The following ROBO1 variants were observed in gnomAD, a reference collection of about 807,000 sequenced individuals.
ROBO1 encodes the protein roundabout guidance receptor 1, also known as roundabout homolog 1.
In ROBO1, 149 loss-of-function variants were observed where a neutral mutation model predicts 195.9. The ratio of observed to expected loss-of-function variants is 0.76; its 90% confidence interval spans 0.67 to 0.87. The LOEUF is 0.87. ROBO1 is among the 40% of genes least tolerant of loss of function. The probability of loss-of-function intolerance (pLI) is 0.00; values close to 1 mark genes in which losing one functional copy is unlikely to be tolerated. For synonymous variants in ROBO1, 816 were observed against 733.2 expected (o/e 1.11, Z -1.82); for missense variants, 1,933 against 2,068.3 (o/e 0.93, Z 1.27).
chr3:78,677,252 G>T (rs967092533), intron 10 of ROBO1, among the ~76,000 whole-genome samples: 1 of 152,166 alleles, frequency 6.6e-6, no homozygotes, highest in African/African-American at 2.4e-5. Flanking sequence ...AGGCTAGGAA[G>T]AAACTGCATC....
chr3:79,542,140 AATATAATG>A (rs1199445973), intron 2 of ROBO1, among the ~76,000 whole-genome samples: 1 of 152,018 alleles, frequency 6.6e-6, no homozygotes, highest in African/African-American at 2.4e-5. Context: ...CAAACCTGAA[AATATAATG>A]ATCTTTCATC....
intron 4 of ROBO1, among the ~76,000 whole-genome samples, chr3:78,791,649 A>G (rs2084025335): frequency 6.6e-6 from 1 of 152,268 alleles, no homozygotes; most frequent in Admixed American, 6.5e-5. Context: ...GCGTCTGCTG[A>G]TACATCAACC....
In ROBO1 at chr3:79,298,130, G is replaced by C. The variant is rs75578608; in HGVS notation, c.89-172591C>G. The stretch of plus-strand genomic sequence containing the variant: ...GATATGGATTTAAAAAAAAATATCA[G>C]TTTCTTTTATATACCTCTGGGTAGA... On this transcript the variant is annotated intron_variant, in intron 2 of 30. Transcript: ENST00000464233. 3.0e-3 allele frequency among the ~76,000 whole-genome samples: 461 copies of C among 152,114 alleles called. 14 individuals carry two copies. The East Asian group carries it at 0.074, about 24-fold the overall frequency.
chr3:79,729,622 C>G (rs1703064024), intron 1 of ROBO1, among the ~76,000 whole-genome samples: 1 of 152,152 alleles, frequency 6.6e-6, no homozygotes, highest in Admixed American at 6.5e-5. Context: ...TCATTTCTGA[C>G]TGCCTAAAGC....
intron 3 of ROBO1, among the ~76,000 whole-genome samples, chr3:78,984,696 G>A (rs781500257): frequency 6.6e-6 from 1 of 152,090 alleles, no homozygotes; most frequent in Non-Finnish European, 1.5e-5. Context: ...TGGGCCATTC[G>A]GACAGCTGGC....
At chr3:79,011,005 G>A (rs1326951662) in intron 3 of ROBO1, among the ~76,000 whole-genome samples, 1 of 152,144 alleles carries the variant, frequency 6.6e-6, no homozygotes, top group East Asian at 1.9e-4. Context: ...ATGAACAGAT[G>A]AGTTTTATTT....
intron 3 of ROBO1, among the ~76,000 whole-genome samples, chr3:78,946,387 A>G (rs2040446172): frequency 6.6e-6 from 1 of 152,194 alleles, no homozygotes. Flanking sequence ...TAAAGAAAAG[A>G]ATTTTCAACC....
intron 10 of ROBO1, among the ~76,000 whole-genome samples, chr3:78,680,343 G>A (rs1457340779): frequency 1.3e-5 from 2 of 152,062 alleles, no homozygotes; most frequent in Admixed American, 6.6e-5. Flanking sequence ...GGATCTAATT[G>A]AACTAAAGAG....
chr3:79,609,696 G>A (rs1202226974), intron 1 of ROBO1, among the ~76,000 whole-genome samples: 2 of 151,856 alleles, frequency 1.3e-5, no homozygotes, highest in Non-Finnish European at 2.9e-5. Flanking sequence ...TCTGTCACAT[G>A]CTATGACATG....
chr3:78,714,367 C>A lies in ROBO1; in HGVS notation c.1045+30G>T, dbSNP rs776931727. 3.8e-6 allele frequency: 6 copies of A among 1,598,248 alleles called. No individual in the cohort carries two copies. The South Asian group carries it at 6.9e-5, about 18-fold the overall frequency. On this transcript the variant is annotated intron_variant, in intron 8 of 30. Coordinates refer to ENST00000464233, the MANE Select transcript of ROBO1 (RefSeq NM_002941.4). ...AGCACTATATTTTGTATGCTAAAACCACCAAAACAAAGCCTTTCCCAATGC... is the reference window on the plus strand; with the variant it reads ...AGCACTATATTTTGTATGCTAAAACAACCAAAACAAAGCCTTTCCCAATGC...
At chr3:79,477,558 C>CA (rs1352733110) in intron 2 of ROBO1, among the ~76,000 whole-genome samples, 1 of 151,700 alleles carries the variant, frequency 6.6e-6, no homozygotes, top group Non-Finnish European at 1.5e-5. Context: ...AAACAAAAAA[C>CA]AAAAAACAAA....
At chr3:79,024,549 C>G (rs192149629) in intron 3 of ROBO1, among the ~76,000 whole-genome samples, 2 of 152,272 alleles carry the variant, frequency 1.3e-5, no homozygotes, top group Admixed American at 1.3e-4. Flanking sequence ...TGAACCAAAG[C>G]ACTTGAAGAA....
chr3:79,054,286 T>C (rs1367820475), intron 3 of ROBO1, among the ~76,000 whole-genome samples: 2 of 152,160 alleles, frequency 1.3e-5, no homozygotes, highest in African/African-American at 2.4e-5. Context: ...CAAGCTCCTG[T>C]TTCTTTTACT....
intron 5 of ROBO1, among the ~76,000 whole-genome samples, chr3:78,738,721 T>C (rs1321092362): frequency 2.0e-5 from 3 of 152,134 alleles, no homozygotes; most frequent in Non-Finnish European, 2.9e-5. Flanking sequence ...TTTTCCTAGG[T>C]AAGGTAAAAA....
intron 3 of ROBO1, among the ~76,000 whole-genome samples, chr3:79,067,094 G>GGC (rs2079016329): frequency 6.6e-6 from 1 of 151,734 alleles, no homozygotes; most frequent in African/African-American, 2.4e-5. Context: ...AATTTTAGTG[G>GGC]GCACACAAGG....
chr3:79,125,433 T>G, intron 3 of ROBO1, 23 bp downstream of exon 3: 3 of 1,597,112 alleles, frequency 1.9e-6, no homozygotes, highest in Non-Finnish European at 2.6e-6. Flanking sequence ...AGGAAGTTAG[T>G]ATTTGGGAAA....
intron 2 of ROBO1, among the ~76,000 whole-genome samples, chr3:79,168,320 T>G (rs1402795383): frequency 6.6e-6 from 1 of 152,152 alleles, no homozygotes; most frequent in Non-Finnish European, 1.5e-5. Context: ...ATACTGTTTC[T>G]TCCAGGGAGA....
intron 3 of ROBO1, among the ~76,000 whole-genome samples, chr3:79,002,400 T>C (rs1412622496): frequency 6.6e-6 from 1 of 152,126 alleles, no homozygotes; most frequent in Non-Finnish European, 1.5e-5. Flanking sequence ...CTTGGAAATA[T>C]ATGTTCATAT....
chr3:78,887,943 C>CACCTTGAGG (rs2036658435), intron 4 of ROBO1, among the ~76,000 whole-genome samples: 1 of 149,648 alleles, frequency 6.7e-6, no homozygotes, highest in Non-Finnish European at 1.5e-5. Context: ...AACACACCCT[C>CACCTTGAGG]AAAAAAAAAG....
Sources: allele counts gnomAD v4.1 joint callset (sites outside exome capture counted in the v4.1 genomes callset), GRCh38; gene constraint gnomAD v4.1.1; transcripts MANE v1.5; gene names NCBI Gene and HGNC (gene_info 2026-07-23, HGNC 2026-07-21).